Variants in WWOX observed in about 807,000 individuals in gnomAD.
WWOX encodes the protein WW domain containing oxidoreductase.
Under a neutral mutation model 46.2 loss-of-function variants are expected in WWOX, and 69 were observed. The ratio of observed to expected loss-of-function variants is 1.49; its 90% CI spans 1.23 to 1.82. WWOX has a LOEUF of 1.82. Among genes scored for constraint, WWOX ranks in the 40% most tolerant of loss-of-function variants. The pLI is 0.00. For synonymous variants in WWOX, 359 were observed against 202.6 expected (o/e 1.77, Z -6.56); for missense variants, 919 against 542.6 (o/e 1.69, Z -6.89).
At chr16:78,395,325 C>A (rs539774010) in intron 6 of WWOX, among the ~76,000 whole-genome samples, 1 of 152,056 alleles carries the variant, frequency 6.6e-6, no homozygotes, top group Non-Finnish European at 1.5e-5. Context: ...TTGAGACCAG[C>A]CTCGGTAATT....
chr16:78,666,159 C>T (rs1010194175), intron 8 of WWOX, among the ~76,000 whole-genome samples: 2 of 151,946 alleles, frequency 1.3e-5, no homozygotes, highest in Non-Finnish European at 2.9e-5. Context: ...TGGTGGTGTG[C>T]CACAGTAGTC....
At chr16:78,161,219 A>G (rs1457434975) in intron 4 of WWOX, among the ~76,000 whole-genome samples, 1 of 152,056 alleles carries the variant, frequency 6.6e-6, no homozygotes, top group Admixed American at 6.5e-5. Context: ...ATGTATATTT[A>G]TGTTTTCTTC....
intron 8 of WWOX, among the ~76,000 whole-genome samples, chr16:78,875,222 C>T (rs1392418259): frequency 6.6e-6 from 1 of 152,104 alleles, no homozygotes; most frequent in Non-Finnish European, 1.5e-5. Context: ...GCTCAAATTT[C>T]AGTGTTGGAT....
chr16:78,935,774 G>A lies in WWOX; in HGVS notation c.1057-275834G>A, dbSNP rs182258494. Among the ~76,000 whole-genome samples, 51 of 152,022 alleles carry A rather than the reference G, an allele frequency of 3.4e-4. No individual in the cohort carries two copies. In the East Asian group the frequency reaches 5.4e-3, roughly 16 times the overall value. ...GTATAAAAAAAAAAATTAGCTGGGCGTGATGGCACCTGCCTGTACCCCAGC... is the reference window on the plus strand; with the variant it reads ...GTATAAAAAAAAAAATTAGCTGGGCATGATGGCACCTGCCTGTACCCCAGC... On this transcript the variant is annotated intron_variant, in intron 8 of 8. Transcript: ENST00000566780.
At chr16:78,351,681 G>A (rs139580102) in intron 5 of WWOX, among the ~76,000 whole-genome samples, 2 of 152,168 alleles carry the variant, frequency 1.3e-5, no homozygotes, top group Non-Finnish European at 2.9e-5. Flanking sequence ...TTTTGAGACA[G>A]AGTCTCGGTC....
At chr16:78,262,265 CAGTGTATCTCTGTTAGATAG>C (rs758274731) in intron 5 of WWOX, among the ~76,000 whole-genome samples, 469 of 152,214 alleles carry the variant, frequency 3.1e-3, no homozygotes, top group African/African-American at 4.8e-3. Context: ...CTGTTAGATA[CAGTGTATCTCTGTTAGATAG>C]AGAGCATTCT....
intron 8 of WWOX, among the ~76,000 whole-genome samples, chr16:78,638,471 C>T (rs1275627821): frequency 6.6e-6 from 1 of 152,116 alleles, no homozygotes; most frequent in Non-Finnish European, 1.5e-5. Flanking sequence ...AAGGCCCAGA[C>T]CCAGCTTGTT....
chr16:78,770,551 G>A (rs1475932872), intron 8 of WWOX, among the ~76,000 whole-genome samples: 1 of 152,098 alleles, frequency 6.6e-6, no homozygotes, highest in African/African-American at 2.4e-5. Context: ...GGGACTCACT[G>A]GGAAACCGCT....
chr16:78,540,731 G>C (rs183515877), intron 8 of WWOX, among the ~76,000 whole-genome samples: 2 of 151,892 alleles, frequency 1.3e-5, no homozygotes, highest in African/African-American at 2.4e-5. Flanking sequence ...CTGTTGCCCC[G>C]GCTGCAGTGC....
chr16:79,036,117 A>G (rs940273103), intron 8 of WWOX, among the ~76,000 whole-genome samples: 3 of 152,156 alleles, frequency 2.0e-5, no homozygotes, highest in African/African-American at 2.4e-5. Flanking sequence ...ACCCTGGGCT[A>G]TCTTTCACTC....
At position 78,136,965 on chromosome 16, in the gene WWOX, G is replaced by T. The variant is rs553091121; in HGVS notation, c.409+21811G>T. Among the ~76,000 whole-genome samples, 106 of 152,330 alleles carry T rather than the reference G, an allele frequency of 7.0e-4. 1 individual carries two copies. The highest frequency in any genetic ancestry group is 2.4e-3 in the African/African-American group (99 of 41,558). ...TCAAGACAGTGCAGGAGAGCAGGGTGTGTGCTCTCTGTAAGAGGAGAGGAG... is the reference window on the plus strand; with the variant it reads ...TCAAGACAGTGCAGGAGAGCAGGGTTTGTGCTCTCTGTAAGAGGAGAGGAG... On this transcript the variant is annotated intron_variant, in intron 4 of 8. Coordinates refer to ENST00000566780, the MANE Select transcript of WWOX (RefSeq NM_016373.4).
At position 78,108,623 on chromosome 16, in the gene WWOX, G is replaced by C. The variant is rs146488786; in HGVS notation, c.172+136G>C. 10 of 928,642 alleles carry C rather than the reference G, an allele frequency of 1.1e-5. No homozygotes were observed. The Admixed American group carries it at 1.7e-4, about 16-fold the overall frequency. The allele number at this position is 928,642 out of a possible 1,614,324, so 57.5% of individuals were successfully genotyped here. ...GAGAACCAGACTCCCACTCTGAGGA[G>C]CTTATGGGATTTGGCAGAAGAAGAT... On this transcript the variant is annotated intron_variant, in intron 2 of 8. Transcript: ENST00000566780.
intron 8 of WWOX, among the ~76,000 whole-genome samples, chr16:79,058,120 A>G (rs2048297146): frequency 1.3e-5 from 1 of 75,818 alleles, no homozygotes; most frequent in Non-Finnish European, 2.4e-5. Context: ...AAAAAAAAAA[A>G]CAAACAAACA....
At chr16:78,997,516 A>T (rs974222935) in intron 8 of WWOX, among the ~76,000 whole-genome samples, 10 of 151,954 alleles carry the variant, frequency 6.6e-5, no homozygotes, top group Non-Finnish European at 1.3e-4. Flanking sequence ...TTACACTTTC[A>T]TTGCCCTTTG....
chr16:79,033,583 C>G (rs1168650265), intron 8 of WWOX, among the ~76,000 whole-genome samples: 3 of 152,086 alleles, frequency 2.0e-5, no homozygotes, highest in Non-Finnish European at 2.9e-5. Context: ...ATCATGTTAA[C>G]TATTTTAAAG....
chr16:78,736,811 C>A lies in WWOX; in HGVS notation c.1056+304059C>A, dbSNP rs889410974. 3.3e-5 allele frequency among the ~76,000 whole-genome samples: 5 copies of A among 152,118 alleles called. No individual in the cohort carries two copies. The South Asian group carries it at 6.2e-4, about 19-fold the overall frequency. On this transcript the variant is annotated intron_variant, in intron 8 of 8. Coordinates refer to ENST00000566780, the MANE Select transcript of WWOX (RefSeq NM_016373.4). Reference sequence around the variant, plus strand: ...TTTTTTAGACACTGAGTCTCACCGTCTTGCCCTGGCTGGTCTCAAACTCCT... The same window carrying A: ...TTTTTTAGACACTGAGTCTCACCGTATTGCCCTGGCTGGTCTCAAACTCCT...
intron 5 of WWOX, 74 bp downstream of exon 5, chr16:78,164,363 T>G: frequency 2.3e-6 from 3 of 1,328,070 alleles, no homozygotes; most frequent in Non-Finnish European, 3.2e-6. Flanking sequence ...GAGATTTCAG[T>G]GGAGTGTGTA....
chr16:78,524,548 G>A (rs1353697107), intron 8 of WWOX, among the ~76,000 whole-genome samples: 1 of 151,794 alleles, frequency 6.6e-6, no homozygotes, highest in East Asian at 1.9e-4. Context: ...AGCCTCCCGA[G>A]TAGCTGGGAT....
intron 8 of WWOX, among the ~76,000 whole-genome samples, chr16:78,566,210 G>A (rs1200607172): frequency 1.3e-5 from 2 of 152,120 alleles, no homozygotes; most frequent in African/African-American, 4.8e-5. Context: ...GATCTCATTT[G>A]AAATTAGTCA....
Sources: gnomAD v4.1 joint callset for allele counts (sites outside exome capture counted in the v4.1 genomes callset) on GRCh38, gnomAD v4.1.1 for gene constraint, MANE v1.5 for transcripts, NCBI Gene and HGNC (gene_info 2026-07-23, HGNC 2026-07-21) for gene names.